SLC5A3: variants seen among roughly 807,000 people sequenced by gnomAD.
SLC5A3 encodes the protein solute carrier family 5 member 3.
Under a neutral mutation model 43.2 loss-of-function variants are expected in SLC5A3, and 10 were observed. The ratio of observed to expected loss-of-function variants is 0.23; its 90% CI spans 0.14 to 0.39. SLC5A3 has a LOEUF of 0.39. Ranked by LOEUF, SLC5A3 falls within the 10% of genes least tolerant of loss-of-function variation. The pLI is 1.00. For synonymous variants in SLC5A3, 349 were observed against 322.0 expected (o/e 1.08, Z -0.90); for missense variants, 608 against 893.4 (o/e 0.68, Z 4.07).
chr21:34,089,598 G>C (rs1172136597), intron 1 of SLC5A3, among the ~76,000 whole-genome samples: 5 of 152,064 alleles, frequency 3.3e-5, no homozygotes, highest in African/African-American at 7.3e-5. Context: ...ACTTTTCTAG[G>C]TGAATAAGAT....
At chr21:34,089,683 G>C (rs1331304367) in intron 1 of SLC5A3, among the ~76,000 whole-genome samples, 3 of 152,120 alleles carry the variant, frequency 2.0e-5, no homozygotes, top group Non-Finnish European at 4.4e-5. Context: ...GGGAGAAACT[G>C]ATAAAAGTAG....
rs1427670040 is a variant in SLC5A3 at position 34,096,595 on chromosome 21, A to G, written c.1397A>G (p.Asn466Ser). The G allele has an allele frequency of 3.7e-6, 6 of 1,614,002 alleles. No homozygotes were observed. Among genetic ancestry groups the G allele is most frequent in the South Asian group, 1.1e-5 (1 of 91,088 alleles). ...CTGGCAATTTTCTGGAAGCGCTGCAATGAACAAGGGGCTTTCTATGGTGGA... is the reference window on the plus strand; with the variant it reads ...CTGGCAATTTTCTGGAAGCGCTGCAGTGAACAAGGGGCTTTCTATGGTGGA... ...FLLAIFWKRC[N>S]EQGAFYGGMA... Residue 466 changes from asparagine (N) to serine (S), a missense_variant, in exon 2 of 2, where the codon AAT becomes AGT. This residue lies in a region of SLC5A3 where 398 missense variants were observed against 668.6 expected (regional missense o/e 0.60). Transcript: ENST00000381151. The surrounding 1 kb of genome is among the most constrained non-coding windows in gnomAD (Gnocchi z 5.9).
chr21:34,094,248 G>A (rs2148658810), intron 1 of SLC5A3, among the ~76,000 whole-genome samples: 1 of 152,236 alleles, frequency 6.6e-6, no homozygotes, highest in African/African-American at 2.4e-5. Flanking sequence ...CGTCTCACAA[G>A]ATCTAGGTTA....
At chr21:34,081,566 A>G (rs1358194158) in intron 1 of SLC5A3, among the ~76,000 whole-genome samples, 1 of 152,204 alleles carries the variant, frequency 6.6e-6, no homozygotes, top group Non-Finnish European at 1.5e-5. Flanking sequence ...TTGGGAGACT[A>G]GAAGGAGCTT....
Position 34,105,315 on chromosome 21 carries a change from T to C in SLC5A3, c.*7960T>C. 1 of 1,000,054 alleles carries C rather than the reference T, an allele frequency of 1.0e-6. No homozygotes were observed. Among genetic ancestry groups the C allele is most frequent in the African/African-American group, 1.7e-5 (1 of 57,370 alleles). 61.9% of individuals were successfully genotyped at this position (1,000,054 alleles called of 1,614,324 possible). On this transcript the variant is annotated 3_prime_UTR_variant, in exon 2 of 2. Coordinates refer to ENST00000381151, the MANE Select transcript of SLC5A3 (RefSeq NM_006933.7). ...ATACTTCTCAGTGCTTTCTTTTTTC[T>C]TTTTGATAAGATGGATATCAAAAAT...
At chr21:34,082,587 C>G (rs1989483662) in intron 1 of SLC5A3, among the ~76,000 whole-genome samples, 1 of 152,066 alleles carries the variant, frequency 6.6e-6, no homozygotes, top group Non-Finnish European at 1.5e-5. Flanking sequence ...CCCATGATCC[C>G]TGGAAAATAG....
At chr21:34,085,878 A>G (rs1168201211) in intron 1 of SLC5A3, among the ~76,000 whole-genome samples, 1 of 152,180 alleles carries the variant, frequency 6.6e-6, no homozygotes, top group African/African-American at 2.4e-5. Context: ...CTGGGATTAC[A>G]GGTGTGAGCC....
rs138321081 is a variant in SLC5A3 at position 34,097,253 on chromosome 21, A to C, written c.2055A>C (p.Leu685Phe). 2.6e-5 allele frequency: 42 copies of C among 1,613,958 alleles called. No homozygotes were observed. The African/African-American group carries it at 4.8e-4, about 18-fold the overall frequency. Residue 685 changes from leucine (L) to phenylalanine (F), a missense_variant, in exon 2 of 2, where the codon TTA (leucine) becomes TTC (phenylalanine). Around this residue, in one of 2 missense-constraint regions of SLC5A3, gnomAD observed 210 missense variants for 224.8 expected, o/e 0.93. Transcript: ENST00000381151. ...RDLMEEEAVC[L>F]QMLEETRQVK... is the part of the protein sequence containing the mutation. ...TGATGGAAGAGGAGGCTGTTTGTTTACAGATGCTAGAAGAGACTCGGCAAG... is the reference window on the plus strand; with the variant it reads ...TGATGGAAGAGGAGGCTGTTTGTTTCCAGATGCTAGAAGAGACTCGGCAAG...
In SLC5A3 at chr21:34,098,992, GTC is replaced by G; in HGVS notation, c.*1639_*1640del. The G allele has an allele frequency of 1.0e-6, 1 of 989,214 alleles. No individual in the cohort carries two copies. The highest frequency in any genetic ancestry group is 4.7e-5 in the South Asian group (1 of 21,080). The allele number at this position is 989,214 out of a possible 1,614,324, so 61.3% of individuals were successfully genotyped here. A position where few individuals can be genotyped will look rare whatever the true frequency, so the allele number is the denominator to read the frequency against. ...TTTGTAGATTTTGAATCAAAACTCA[GTC>G]TTTTTAATTTTTTTGTAGTCTATAA... On this transcript the variant is annotated 3_prime_UTR_variant, in exon 2 of 2. Transcript: ENST00000381151.
chr21:34,074,329 TA>T (rs991387476), intron 1 of SLC5A3, among the ~76,000 whole-genome samples: 1 of 151,740 alleles, frequency 6.6e-6, no homozygotes, highest in South Asian at 2.1e-4. Flanking sequence ...GCTCTCATGT[TA>T]AAAAAAAATC....
chr21:34,104,806 G>A lies in SLC5A3; in HGVS notation c.*7451G>A, dbSNP rs147503702. 2.1e-4 allele frequency: 211 copies of A among 1,000,046 alleles called. 1 individual carries two copies. The African/African-American group carries it at 2.4e-3, about 11-fold the overall frequency. The allele number at this position is 1,000,046 out of a possible 1,614,324, so 61.9% of individuals were successfully genotyped here. A position where few individuals can be genotyped will look rare whatever the true frequency, so the allele number is the denominator to read the frequency against. On this transcript the variant is annotated 3_prime_UTR_variant, in exon 2 of 2. Transcript: ENST00000381151. The stretch of plus-strand genomic sequence containing the variant: ...AGCTGTTATAACCTGTTAATCCTAC[G>A]TACTATGTGTTCTGTACCTTTACAT...
rs1180916702 is a variant in SLC5A3 at position 34,095,496 on chromosome 21, A to G, written c.298A>G (p.Ile100Val). ...ACTTCTGGGATGGGTTTTCATCCCA[A>G]TTTACATCCGGTCAGGGGTATATAC... ...LQLLGWVFIP[I>V]YIRSGVYTMP... The change falls in exon 2 of 2, where the codon ATT becomes GTT. Residue 100 changes from isoleucine to valine, a missense_variant. By Grantham distance (29) the Ile-to-Val change is conservative. Around this residue, in one of 2 missense-constraint regions of SLC5A3, gnomAD observed 398 missense variants for 668.6 expected, o/e 0.60. Transcript: ENST00000381151. The G allele has an allele frequency of 8.7e-6, 14 of 1,613,862 alleles. No homozygotes were observed. The highest frequency in any genetic ancestry group is 1.1e-5 in the Non-Finnish European group (13 of 1,179,996).
rs1979431489 is a variant in SLC5A3, at chr21:34,105,371, C to G, written c.*8016C>G. 1.0e-6 allele frequency: 1 copy of G among 999,190 alleles called. No individual in the cohort carries two copies. Among genetic ancestry groups the G allele is most frequent in the South Asian group, 4.7e-5 (1 of 21,264 alleles). The allele number at this position is 999,190 out of a possible 1,614,324, so 61.9% of individuals were successfully genotyped here. A position where few individuals can be genotyped will look rare whatever the true frequency, so the allele number is the denominator to read the frequency against. On this transcript the variant is annotated 3_prime_UTR_variant, in exon 2 of 2. Coordinates refer to ENST00000381151, the MANE Select transcript of SLC5A3 (RefSeq NM_006933.7). ...CTGTGCAAAAGTTAGTAGTCTTCTTCAAGAAGAAAACCAATTCTTTTTCTA... is the reference window on the plus strand; with the variant it reads ...CTGTGCAAAAGTTAGTAGTCTTCTTGAAGAAGAAAACCAATTCTTTTTCTA...
At chr21:34,081,832 A>G (rs1007572562) in intron 1 of SLC5A3, among the ~76,000 whole-genome samples, 2 of 152,184 alleles carry the variant, frequency 1.3e-5, no homozygotes, top group East Asian at 3.8e-4. Flanking sequence ...AAGAAACTCT[A>G]AAAGATAAAA....
At chr21:34,078,440 A>G (rs989860970) in intron 1 of SLC5A3, among the ~76,000 whole-genome samples, 8 of 152,106 alleles carry the variant, frequency 5.3e-5, no homozygotes, top group African/African-American at 1.9e-4. Flanking sequence ...TATGGTTTGT[A>G]TGTATGAAGA....
At chr21:34,082,664 T>C (rs1258121406) in intron 1 of SLC5A3, among the ~76,000 whole-genome samples, 1 of 152,176 alleles carries the variant, frequency 6.6e-6, no homozygotes, top group Non-Finnish European at 1.5e-5. Flanking sequence ...TGATGACATT[T>C]TTATTTTTGA....
chr21:34,097,865 C>T lies in SLC5A3; in HGVS notation c.*510C>T. 1 of 996,258 alleles carries T rather than the reference C, an allele frequency of 1.0e-6. No homozygotes were observed. Among genetic ancestry groups the T allele is most frequent in the Non-Finnish European group, 1.2e-6 (1 of 826,364 alleles). 61.7% of individuals were successfully genotyped at this position (996,258 alleles called of 1,614,324 possible). The stretch of plus-strand genomic sequence containing the variant: ...TGTGATACTTGTTTCAGGACAAGTT[C>T]ATTTGCCAGGTTCATTTTGTTAGCA... On this transcript the variant is annotated 3_prime_UTR_variant, in exon 2 of 2. Transcript: ENST00000381151.
chr21:34,098,388 A>T lies in SLC5A3; in HGVS notation c.*1033A>T. 1.0e-6 allele frequency: 1 copy of T among 1,000,264 alleles called. No individual in the cohort carries two copies. Among genetic ancestry groups the T allele is most frequent in the Admixed American group, 6.1e-5 (1 of 16,276 alleles). 62.0% of individuals were successfully genotyped at this position (1,000,264 alleles called of 1,614,324 possible). A position where few individuals can be genotyped will look rare whatever the true frequency, so the allele number is the denominator to read the frequency against. On this transcript the variant is annotated 3_prime_UTR_variant, in exon 2 of 2. Coordinates refer to ENST00000381151, the MANE Select transcript of SLC5A3 (RefSeq NM_006933.7). ...GATTGCTCTACTTGATTAGATCATG[A>T]TATATCAAGGTTGAATTTTTAGAGG...
chr21:34,099,301 G>A lies in SLC5A3; in HGVS notation c.*1946G>A. ...GCTGCGACATGTCCAAGGTTATGAA[G>A]TCTCTTTTGGGAAGAACAGAAACCA... is the stretch of plus-strand genomic sequence containing the variant. On this transcript the variant is annotated 3_prime_UTR_variant, in exon 2 of 2. Transcript: ENST00000381151. 4.0e-6 allele frequency: 4 copies of A among 1,000,204 alleles called. No homozygotes were observed. The highest frequency in any genetic ancestry group is 4.8e-6 in the Non-Finnish European group (4 of 829,950). 62.0% of individuals were successfully genotyped at this position (1,000,204 alleles called of 1,614,324 possible). A position where few individuals can be genotyped will look rare whatever the true frequency, so the allele number is the denominator to read the frequency against.
Sources: allele counts gnomAD v4.1 joint callset (sites outside exome capture counted in the v4.1 genomes callset), GRCh38; gene constraint gnomAD v4.1.1; regional missense constraint gnomAD v4.1.1; non-coding constraint Gnocchi (gnomAD v3.1); transcripts MANE v1.5; gene names NCBI Gene and HGNC (gene_info 2026-07-23, HGNC 2026-07-21).